GSE1: variants seen among roughly 807,000 people sequenced by gnomAD.
GSE1 encodes the protein Gse1 coiled-coil protein, also known as genetic suppressor element 1.
A neutral mutation model predicts 112.6 loss-of-function variants in GSE1; 32 were observed. That is an observed-to-expected ratio of 0.28 (90% CI 0.21 to 0.38). The LOEUF (loss-of-function observed/expected upper bound fraction) is 0.38. Among genes scored for constraint, GSE1 ranks in the 10% least tolerant of loss-of-function variants. GSE1 has a pLI of 1.00. For missense variants in GSE1, 2,348 were observed against 1,699.2 expected (o/e 1.38, Z -6.71); for synonymous variants, 1,115 against 735.6 (o/e 1.52, Z -8.35).
At chr16:85,250,521 C>G (rs1245501393) in intron 1 of GSE1, among the ~76,000 whole-genome samples, 1 of 152,204 alleles carries the variant, frequency 6.6e-6, no homozygotes, top group African/African-American at 2.4e-5. Context: ...CCATGGAGAC[C>G]CCAAGCACCT....
intron 1 of GSE1, among the ~76,000 whole-genome samples, chr16:85,274,372 A>G (rs1467661878): frequency 1.3e-5 from 2 of 152,046 alleles, no homozygotes; most frequent in Non-Finnish European, 2.9e-5. Flanking sequence ...GTGACGAGAA[A>G]CTCCATCTCA....
chr16:85,606,957 C>G (rs918206768), upstream of GSE1, among the ~76,000 whole-genome samples: 1 of 151,724 alleles, frequency 6.6e-6, no homozygotes, highest in Admixed American at 6.6e-5. Flanking sequence ...GTTTTAAATG[C>G]AAATATTTCT....
chr16:85,446,551 G>T (rs1310951203), intron 2 of GSE1, among the ~76,000 whole-genome samples: 2 of 152,174 alleles, frequency 1.3e-5, no homozygotes, highest in African/African-American at 2.4e-5. Context: ...GCGATGACCG[G>T]GCTCATGTGG....
chr16:85,657,708 C>A, intron 8 of GSE1, 104 bp downstream of exon 8: 1 of 715,670 alleles, frequency 1.4e-6, no homozygotes, highest in Non-Finnish European at 2.2e-6. Context: ...CCCAGCGTTT[C>A]TGCCTGCCTC....
intron 1 of GSE1, among the ~76,000 whole-genome samples, chr16:85,275,272 A>G (rs1465179397): frequency 2.6e-5 from 4 of 152,230 alleles, no homozygotes; most frequent in Non-Finnish European, 5.9e-5. Context: ...CAGGGCTCCA[A>G]TAGCCCCCGT....
At chr16:85,341,698 C>T (rs1401841350) in intron 1 of GSE1, among the ~76,000 whole-genome samples, 3 of 152,064 alleles carry the variant, frequency 2.0e-5, no homozygotes, top group African/African-American at 7.2e-5. Context: ...TAGGATGTTG[C>T]TATGTTGCCC....
intron 1 of GSE1, among the ~76,000 whole-genome samples, chr16:85,261,682 C>A (rs1237146699): frequency 6.6e-6 from 1 of 152,156 alleles, no homozygotes; most frequent in Non-Finnish European, 1.5e-5. Flanking sequence ...TCGGCAGTGT[C>A]CACAGGGCCC....
At chr16:85,285,638 T>A (rs1330150881) in intron 1 of GSE1, 1 of 145,784 alleles carries the variant, frequency 6.9e-6, no homozygotes, top group Non-Finnish European at 1.5e-5. Context: ...GCTGAGATCG[T>A]GCCACTGCAC....
At chr16:85,268,154 C>T (rs551672397) in intron 1 of GSE1, among the ~76,000 whole-genome samples, 1 of 152,120 alleles carries the variant, frequency 6.6e-6, no homozygotes, top group Non-Finnish European at 1.5e-5. Flanking sequence ...TATCCTGCTG[C>T]CTTGGGGGGA....
intron 1 of GSE1, among the ~76,000 whole-genome samples, chr16:85,294,659 GTCTC>G (rs139079778): frequency 0.16 from 9,615 of 58,806 alleles, 514 homozygotes; most frequent in South Asian, 0.19. Flanking sequence ...CTCTCTCTCT[GTCTC>G]TCTCTCTCCC....
chr16:85,331,353 G>GTATATATATATATA (rs1567692446), intron 1 of GSE1, among the ~76,000 whole-genome samples: 1 of 71,808 alleles, frequency 1.4e-5, no homozygotes, highest in East Asian at 6.0e-4. Flanking sequence ...GTGTGTGTGT[G>GTATATATATATATA]TGTGTGTGTG....
At chr16:85,170,566 A>C in exon 1 of GSE1, 4 of 985,698 alleles carry the variant, frequency 4.1e-6, no homozygotes, top group Non-Finnish European at 4.8e-6. Flanking sequence ...CAAAGAGAAG[A>C]ACAGTGGCCG....
intron 1 of GSE1, among the ~76,000 whole-genome samples, chr16:85,249,262 C>T (rs879868398): frequency 6.6e-6 from 1 of 152,214 alleles, no homozygotes; most frequent in Non-Finnish European, 1.5e-5. Context: ...CTTAGTGGGC[C>T]CAGAGCCCGT....
intron 2 of GSE1, among the ~76,000 whole-genome samples, chr16:85,477,566 G>T (rs114209552): frequency 2.3e-4 from 30 of 128,064 alleles, no homozygotes; most frequent in East Asian, 4.4e-4. Flanking sequence ...TTTTTTTTTT[G>T]TTTTTTTTTT....
Position 85,656,478 on chromosome 16 carries a change from T to G in GSE1, c.1125T>G (p.Arg375=). Residue 375 remains arginine, a synonymous_variant, in exon 7 of 16, where the codon CGT becomes CGG. Coordinates refer to ENST00000253458, the MANE Select transcript of GSE1 (RefSeq NM_014615.5). ...REKEREQEKE[R]EREKEREREL... ...AGGAGCGCGAGCAAGAGAAGGAGCG[T>G]GAGCGTGAGAAGGAGCGCGAGCGCG... The G allele has an allele frequency of 1.3e-6, 2 of 1,524,882 alleles. No individual in the cohort carries two copies. Among genetic ancestry groups the G allele is most frequent in the Non-Finnish European group, 1.8e-6 (2 of 1,125,420 alleles). The allele number at this position is 1,524,882 out of a possible 1,614,324, so 94.5% of individuals were successfully genotyped here. A position where few individuals can be genotyped will look rare whatever the true frequency, so the allele number is the denominator to read the frequency against.
intron 2 of GSE1, among the ~76,000 whole-genome samples, chr16:85,393,151 C>T (rs80076818): frequency 0.03 from 4,561 of 152,256 alleles, 101 homozygotes; most frequent in East Asian, 0.1. Flanking sequence ...CACTTGTAAT[C>T]CCAGCACTTT....
intron 3 of GSE1, among the ~76,000 whole-genome samples, chr16:85,652,988 C>G (rs1321940236): frequency 6.6e-6 from 1 of 151,592 alleles, no homozygotes; most frequent in African/African-American, 2.4e-5. Flanking sequence ...GCTCTGCATC[C>G]CTGGGAAGCT....
At chr16:85,249,519 G>A (rs1265040839) in intron 1 of GSE1, among the ~76,000 whole-genome samples, 3 of 152,172 alleles carry the variant, frequency 2.0e-5, no homozygotes, top group Non-Finnish European at 4.4e-5. Context: ...CCGGGGGCGC[G>A]CCTCTCTCCA....
At chr16:85,612,141 A>G (rs988698336), upstream of GSE1, among the ~76,000 whole-genome samples, 23 of 151,690 alleles carry the variant, frequency 1.5e-4, no homozygotes, top group Middle Eastern at 6.8e-3. Flanking sequence ...GTTACAGCCC[A>G]GGGCGCCAGA....
Sources: allele counts gnomAD v4.1 joint callset (sites outside exome capture counted in the v4.1 genomes callset), GRCh38; gene constraint gnomAD v4.1.1; transcripts MANE v1.5; gene names NCBI Gene and HGNC (gene_info 2026-07-23, HGNC 2026-07-21).